Variants in TMEM117 observed in about 807,000 individuals in gnomAD.
The protein encoded by TMEM117 is transmembrane protein 117.
In TMEM117, 27 loss-of-function variants were observed where a neutral mutation model predicts 52.4. The ratio of observed to expected loss-of-function variants is 0.51; its 90% CI spans 0.38 to 0.71. The LOEUF (loss-of-function observed/expected upper bound fraction) is 0.71. Ranked by LOEUF, TMEM117 falls within the 30% of genes least tolerant of loss-of-function variation. The probability of loss-of-function intolerance (pLI) is 0.00; values close to 1 mark genes in which losing one functional copy is unlikely to be tolerated. For missense variants in TMEM117, 556 were observed against 630.5 expected, an observed-to-expected ratio of 0.88 and a Z score of 1.26; for synonymous variants, 215 against 206.3, an observed-to-expected ratio of 1.04 and a Z score of -0.36.
chr12:43,871,421 C>A (rs1943703470), intron 2 of TMEM117, among the ~76,000 whole-genome samples: 1 of 152,114 alleles, frequency 6.6e-6, no homozygotes, highest in East Asian at 1.9e-4. Context: ...CTTTTTAATA[C>A]TAGCCATTCT....
intron 4 of TMEM117, among the ~76,000 whole-genome samples, chr12:44,145,517 T>G (rs935116405): frequency 1.3e-5 from 2 of 152,240 alleles, no homozygotes; most frequent in African/African-American, 4.8e-5. Context: ...TGTGTGGCCC[T>G]GTGATGTGAC....
chr12:43,969,671 T>C (rs1333542162), intron 3 of TMEM117, among the ~76,000 whole-genome samples: 1 of 152,206 alleles, frequency 6.6e-6, no homozygotes, highest in African/African-American at 2.4e-5. Flanking sequence ...TTTCTGTGCC[T>C]GTCTCACAGT....
In TMEM117 at chr12:44,388,463, A is replaced by C; in HGVS notation, c.1336A>C (p.Met446Leu). ...ATCTCCATCAGAACATAGCAAAGAC[A>C]TGGGAATCACTCGAGAAAACACCCA... ...RKSPSEHSKD[M>L]GITRENTQAS... The change falls in exon 8 of 8, where the codon ATG becomes CTG. Residue 446 changes from methionine to leucine, a missense_variant. Physicochemically the swap from Met to Leu is conservative, Grantham distance 15 (BLOSUM62 2). Around this residue, in one of 3 missense-constraint regions of TMEM117, gnomAD observed 206 missense variants for 211.1 expected, o/e 0.98. Transcript: ENST00000266534. 4 of 1,613,434 alleles carry C rather than the reference A, an allele frequency of 2.5e-6. No individual in the cohort carries two copies. The highest frequency in any genetic ancestry group is 1.3e-5 in the African/African-American group (1 of 75,036).
intron 5 of TMEM117, among the ~76,000 whole-genome samples, chr12:44,270,923 C>A (rs117541437): frequency 1.9e-3 from 286 of 151,998 alleles, no homozygotes; most frequent in Non-Finnish European, 2.8e-3. Flanking sequence ...GTTTTTAATT[C>A]TGTTTATGTT....
chr12:44,121,425 T>A (rs2138139221), intron 3 of TMEM117, among the ~76,000 whole-genome samples: 1 of 152,236 alleles, frequency 6.6e-6, no homozygotes, highest in South Asian at 2.1e-4. Flanking sequence ...CTCCTCTTAT[T>A]CCTCCTCCTC....
the TMEM117 span, chr12:43,800,427 C>T: frequency 6.2e-7 from 1 of 1,604,614 alleles, no homozygotes; most frequent in Non-Finnish European, 8.5e-7. Context: ...CACATACAAA[C>T]ATAATACCTT....
chr12:43,806,088 G>A, the TMEM117 span: 1 of 1,519,430 alleles, frequency 6.6e-7, no homozygotes, highest in Non-Finnish European at 8.8e-7. Flanking sequence ...GAGGCGCCGA[G>A]GCCCGGCTCG....
intron 3 of TMEM117, among the ~76,000 whole-genome samples, chr12:44,113,983 G>T (rs367735204): frequency 7.1e-6 from 1 of 140,602 alleles, no homozygotes; most frequent in Non-Finnish European, 1.5e-5. Flanking sequence ...AGGTGTGTCC[G>T]TCACCCCTTT....
At chr12:44,024,717 C>G (rs911671918) in intron 3 of TMEM117, among the ~76,000 whole-genome samples, 1 of 151,692 alleles carries the variant, frequency 6.6e-6, no homozygotes, top group African/African-American at 2.4e-5. Context: ...TTTACCCAAA[C>G]GTTTCATATT....
chr12:44,349,978 G>A (rs775283432), intron 6 of TMEM117, among the ~76,000 whole-genome samples: 1 of 151,940 alleles, frequency 6.6e-6, no homozygotes, highest in Admixed American at 6.6e-5. Flanking sequence ...ATGTCAGTTC[G>A]AGGAAGTGAA....
chr12:44,285,426 C>T (rs1343580613), intron 5 of TMEM117, among the ~76,000 whole-genome samples: 2 of 152,196 alleles, frequency 1.3e-5, no homozygotes, highest in Admixed American at 1.3e-4. Context: ...CTCAAGGATG[C>T]TATCTTAACA....
chr12:44,099,649 G>T (rs1166103192), intron 3 of TMEM117, among the ~76,000 whole-genome samples: 1 of 151,980 alleles, frequency 6.6e-6, no homozygotes, highest in Non-Finnish European at 1.5e-5. Flanking sequence ...GAATGCATTG[G>T]CGAATTGGGT....
chr12:43,908,676 A>T (rs865789536), intron 2 of TMEM117, among the ~76,000 whole-genome samples: 6 of 152,156 alleles, frequency 3.9e-5, no homozygotes, highest in African/African-American at 1.2e-4. Flanking sequence ...TGGAAAACAA[A>T]AAAAGGCAGG....
At chr12:44,262,068 AG>A (rs1463459239) in intron 5 of TMEM117, among the ~76,000 whole-genome samples, 2 of 152,234 alleles carry the variant, frequency 1.3e-5, no homozygotes, top group Non-Finnish European at 2.9e-5. Flanking sequence ...GGATTAATGT[AG>A]GTGTGAACCA....
chr12:44,106,796 G>A (rs1387252437), intron 3 of TMEM117, among the ~76,000 whole-genome samples: 1 of 151,870 alleles, frequency 6.6e-6, no homozygotes, highest in Non-Finnish European at 1.5e-5. Context: ...TGGAATAAAA[G>A]ATGAATTCCA....
chr12:44,034,785 A>G (rs1282865159), intron 3 of TMEM117, among the ~76,000 whole-genome samples: 1 of 152,174 alleles, frequency 6.6e-6, no homozygotes. Context: ...TGGCCATAGG[A>G]TGCCCAGATT....
chr12:43,940,740 C>T (rs138061197), intron 2 of TMEM117, among the ~76,000 whole-genome samples: 111 of 152,278 alleles, frequency 7.3e-4, no homozygotes, highest in African/African-American at 2.6e-3. Flanking sequence ...AACCGGGTTT[C>T]ACCATGTTAG....
chr12:44,250,801 A>G (rs1429612089), intron 5 of TMEM117, among the ~76,000 whole-genome samples: 1 of 152,116 alleles, frequency 6.6e-6, no homozygotes, highest in African/African-American at 2.4e-5. Context: ...GAACACATGG[A>G]CACAGAGGGG....
At chr12:43,799,884 T>G in the TMEM117 span, among the ~76,000 whole-genome samples, 1 of 152,106 alleles carries the variant, frequency 6.6e-6, no homozygotes, top group African/African-American at 2.4e-5. Flanking sequence ...TTATAATGCT[T>G]AATATAATTT....
Sources: gnomAD v4.1 joint callset for allele counts (sites outside exome capture counted in the v4.1 genomes callset) on GRCh38, gnomAD v4.1.1 for gene constraint, gnomAD v4.1.1 regional missense constraint, MANE v1.5 for transcripts, NCBI Gene and HGNC (gene_info 2026-07-23, HGNC 2026-07-21) for gene names.